The following GLG1 variants were observed in gnomAD, a reference collection of about 807,000 sequenced individuals.
The protein encoded by GLG1 is Golgi apparatus protein 1.
Under a neutral mutation model 160.5 loss-of-function variants are expected in GLG1, and 38 were observed. The observed-to-expected ratio is 0.24, with a 90% CI of 0.18 to 0.31. The LOEUF (loss-of-function observed/expected upper bound fraction) is 0.31. Among genes scored for constraint, GLG1 ranks in the 10% least tolerant of loss-of-function variants. The probability of loss-of-function intolerance (pLI) is 1.00; values close to 1 mark genes in which losing one functional copy is unlikely to be tolerated. For synonymous variants in GLG1, 644 were observed against 543.4 expected (o/e 1.19, Z -2.57); for missense variants, 1,373 against 1,505.2 (o/e 0.91, Z 1.45).
intron 1 of GLG1, among the ~76,000 whole-genome samples, chr16:74,571,027 C>A (rs1318767200): frequency 6.6e-6 from 1 of 151,902 alleles, no homozygotes; most frequent in Non-Finnish European, 1.5e-5. Context: ...ACCTGACCTG[C>A]TTTGGTCAGT....
chr16:74,517,937 A>T (rs1325797788), intron 2 of GLG1, among the ~76,000 whole-genome samples: 1 of 152,054 alleles, frequency 6.6e-6, no homozygotes, highest in African/African-American at 2.4e-5. Flanking sequence ...TCATGAGTGA[A>T]CTCCCATTCA....
intron 16 of GLG1, 105 bp downstream of exon 16, chr16:74,469,880 C>T: frequency 1.3e-6 from 1 of 780,678 alleles, no homozygotes; most frequent in South Asian, 1.4e-5. Context: ...GCCTCCAGGG[C>T]TAACCCCACG....
At chr16:74,526,233 T>C (rs541644333) in intron 2 of GLG1, among the ~76,000 whole-genome samples, 2,593 of 149,748 alleles carry the variant, frequency 0.017, 32 homozygotes, top group Non-Finnish European at 0.027. Context: ...TTGGTGATGG[T>C]TGGTAAAGGC....
intron 2 of GLG1, among the ~76,000 whole-genome samples, chr16:74,509,307 A>T (rs554037300): frequency 1.1e-4 from 16 of 151,890 alleles, no homozygotes; most frequent in Non-Finnish European, 1.8e-4. Flanking sequence ...TTAGAGCTAT[A>T]AATTAAAAAC....
intron 1 of GLG1, among the ~76,000 whole-genome samples, chr16:74,600,731 C>CAAAAAAAAAAAAAAA (rs56122377): frequency 8.9e-6 from 1 of 112,604 alleles, no homozygotes; most frequent in Non-Finnish European, 1.8e-5. Flanking sequence ...GATTCCACCT[C>CAAAAAAAAAAAAAAA]AAAAAAAAAA....
In GLG1 at chr16:74,508,868, TG is replaced by T; in HGVS notation, c.528del (p.Arg177GlufsTer8). On this transcript the variant is annotated frameshift_variant, in exon 3 of 26. Coordinates refer to ENST00000422840, the MANE Select transcript of GLG1 (RefSeq NM_001145667.2). LOFTEE classifies it high-confidence loss of function. ...LTTDPKFESV[A>X]REVCKSTITE... ...GTTATAGTAGATTTGCAAACCTCTC[TG>T]GCCACAGATTCAAATTTGGGATCTG... The T allele has an allele frequency of 1.3e-6, 2 of 1,534,518 alleles. No individual in the cohort carries two copies. The highest frequency in any genetic ancestry group is 1.8e-6 in the Non-Finnish European group (2 of 1,108,512).
At chr16:74,604,233 C>T (rs1958511332) in intron 1 of GLG1, among the ~76,000 whole-genome samples, 1 of 152,058 alleles carries the variant, frequency 6.6e-6, no homozygotes, top group African/African-American at 2.4e-5. Flanking sequence ...CCATAAGGTT[C>T]CAAAAAGCAA....
intron 9 of GLG1, among the ~76,000 whole-genome samples, chr16:74,485,030 C>T (rs900621615): frequency 3.9e-5 from 6 of 152,094 alleles, no homozygotes; most frequent in African/African-American, 1.4e-4. Flanking sequence ...CTTCCCACAT[C>T]AACCTCCCAA....
chr16:74,572,550 C>T (rs1237967649), intron 1 of GLG1, among the ~76,000 whole-genome samples: 2 of 151,088 alleles, frequency 1.3e-5, no homozygotes, highest in Non-Finnish European at 3.0e-5. Flanking sequence ...ACACAAAACA[C>T]CCCAAAGGAC....
At chr16:74,476,362 T>A (rs1005123941) in intron 12 of GLG1, among the ~76,000 whole-genome samples, 1 of 152,152 alleles carries the variant, frequency 6.6e-6, no homozygotes, top group African/African-American at 2.4e-5. Context: ...AAGCATTTTC[T>A]AACAATATAC....
chr16:74,484,370 G>T (rs866512531), intron 9 of GLG1, among the ~76,000 whole-genome samples: 1 of 151,638 alleles, frequency 6.6e-6, no homozygotes, highest in African/African-American at 2.4e-5. Context: ...AGTTTTCCTC[G>T]TTGCCCAGGC....
intron 18 of GLG1, among the ~76,000 whole-genome samples, chr16:74,467,105 C>T (rs776863363): frequency 1.3e-5 from 2 of 152,282 alleles, no homozygotes; most frequent in East Asian, 1.9e-4. Context: ...GACTCTAAAA[C>T]CTATCAGAAA....
chr16:74,585,417 A>T (rs1460438526), intron 1 of GLG1, among the ~76,000 whole-genome samples: 1 of 152,104 alleles, frequency 6.6e-6, no homozygotes, highest in Non-Finnish European at 1.5e-5. Context: ...TCAAAAAAAC[A>T]AAAAAGAGGC....
intron 1 of GLG1, among the ~76,000 whole-genome samples, chr16:74,548,145 T>C (rs1234064501): frequency 1.3e-5 from 2 of 152,224 alleles, no homozygotes; most frequent in Non-Finnish European, 2.9e-5. Context: ...GGTAAGAACT[T>C]GACTCACAAC....
intron 4 of GLG1, among the ~76,000 whole-genome samples, chr16:74,500,075 A>G (rs1308792618): frequency 6.6e-6 from 1 of 152,196 alleles, no homozygotes; most frequent in East Asian, 1.9e-4. Flanking sequence ...CTTTCAGATA[A>G]ATATTTTTTT....
chr16:74,550,078 A>G (rs2018157210), intron 1 of GLG1, among the ~76,000 whole-genome samples: 1 of 152,250 alleles, frequency 6.6e-6, no homozygotes, highest in Non-Finnish European at 1.5e-5. Context: ...TGATCACACC[A>G]TTGCACTCCA....
In GLG1 at chr16:74,483,134, A is replaced by C. The variant is rs754837796; in HGVS notation, c.1572-10T>G. On this transcript the variant is annotated splice_polypyrimidine_tract_variant and intron_variant, in intron 9 of 25. Coordinates refer to ENST00000422840, the MANE Select transcript of GLG1 (RefSeq NM_001145667.2). ...CAGGCACGACAAGATCCTAGCCATT[A>C]AATGTGTAAAATTGTAACAAGAGAG... 1 of 1,464,396 alleles carries C rather than the reference A, an allele frequency of 6.8e-7. No homozygotes were observed. Among genetic ancestry groups the C allele is most frequent in the Non-Finnish European group, 9.6e-7 (1 of 1,043,942 alleles). The allele number at this position is 1,464,396 out of a possible 1,614,324, so 90.7% of individuals were successfully genotyped here.
intron 1 of GLG1, among the ~76,000 whole-genome samples, chr16:74,573,982 C>G (rs1328591730): frequency 6.6e-6 from 1 of 152,094 alleles, no homozygotes; most frequent in Non-Finnish European, 1.5e-5. Context: ...GGCATGACTT[C>G]TCCATGTTGC....
intron 1 of GLG1, among the ~76,000 whole-genome samples, chr16:74,570,472 A>T (rs183646137): frequency 1.3e-5 from 2 of 152,358 alleles, no homozygotes; most frequent in East Asian, 3.9e-4. Context: ...AAAAAAATGC[A>T]CTGAAAGAAA....
Sources: allele counts gnomAD v4.1 joint callset (sites outside exome capture counted in the v4.1 genomes callset), GRCh38; gene constraint gnomAD v4.1.1; transcripts MANE v1.5; gene names NCBI Gene and HGNC (gene_info 2026-07-23, HGNC 2026-07-21).